STK39: variants seen among roughly 807,000 people sequenced by gnomAD.
STK39 encodes STE20/SPS1-related proline-alanine-rich protein kinase.
STK39 carries 20 observed loss-of-function variants against 77.8 expected under a neutral mutation model. That is an observed-to-expected ratio of 0.26 (90% CI 0.18 to 0.37). The LOEUF (loss-of-function observed/expected upper bound fraction) is 0.37, where lower values mean the gene tolerates loss of function less well. Ranked by LOEUF, STK39 falls within the 10% of genes least tolerant of loss-of-function variation. The probability of loss-of-function intolerance (pLI) is 1.00; values close to 1 mark genes in which losing one functional copy is unlikely to be tolerated. For synonymous variants in STK39, 246 were observed against 234.1 expected (o/e 1.05, Z -0.47); for missense variants, 479 against 656.5 (o/e 0.73, Z 2.95).
chr2:168,215,348 G>A (rs1690000215), intron 1 of STK39, among the ~76,000 whole-genome samples: 1 of 152,164 alleles, frequency 6.6e-6, no homozygotes, highest in African/African-American at 2.4e-5. Flanking sequence ...AGTTCATTGT[G>A]TGGTTCTTTG....
intron 8 of STK39, among the ~76,000 whole-genome samples, chr2:168,131,838 CCAG>C (rs1687704736): frequency 1.3e-5 from 2 of 152,194 alleles, no homozygotes; most frequent in Non-Finnish European, 1.5e-5. Context: ...TTCCTGATCA[CCAG>C]CAGATGTTTT....
At chr2:168,048,752 G>A (rs1230690556) in intron 14 of STK39, among the ~76,000 whole-genome samples, 2 of 152,136 alleles carry the variant, frequency 1.3e-5, no homozygotes, top group African/African-American at 4.8e-5. Flanking sequence ...GCTACCTTCT[G>A]TAATTAGCAA....
At chr2:167,964,324 G>C (rs73026952) in intron 17 of STK39, 3,629 of 217,056 alleles carry the variant, frequency 0.017, 134 homozygotes, top group African/African-American at 0.08. Flanking sequence ...GCTTTATTAA[G>C]AGTGTTGCTT....
At chr2:168,199,174 CA>C (rs2105669476) in intron 1 of STK39, among the ~76,000 whole-genome samples, 1 of 152,318 alleles carries the variant, frequency 6.6e-6, no homozygotes, top group South Asian at 2.1e-4. Context: ...ATTCGGTGGA[CA>C]TGAGTTAAAA....
chr2:168,240,009 A>T (rs1318427742), intron 1 of STK39, among the ~76,000 whole-genome samples: 1 of 152,244 alleles, frequency 6.6e-6, no homozygotes, highest in Non-Finnish European at 1.5e-5. Context: ...TTATATGTAC[A>T]CTTTTCCACA....
intron 14 of STK39, among the ~76,000 whole-genome samples, chr2:168,045,868 G>A (rs1181701107): frequency 3.9e-5 from 6 of 152,122 alleles, no homozygotes; most frequent in African/African-American, 7.2e-5. Context: ...AAGAATGACA[G>A]GGAACCCTCA....
intron 10 of STK39, among the ~76,000 whole-genome samples, chr2:168,108,190 G>A (rs780995616): frequency 4.6e-5 from 7 of 152,176 alleles, no homozygotes; most frequent in Non-Finnish European, 1.0e-4. Flanking sequence ...GAGATGTCTT[G>A]ACTCGACGGT....
chr2:168,033,906 T>C (rs1292232361), intron 14 of STK39, among the ~76,000 whole-genome samples: 1 of 152,222 alleles, frequency 6.6e-6, no homozygotes, highest in African/African-American at 2.4e-5. Context: ...GGCATAACTA[T>C]GAGGAGAAGG....
rs1684300668 is a variant in STK39 at position 168,012,667 on chromosome 2, C to T, written c.1465G>A (p.Ala489Thr). ...ADGVSQELFS[A>T]GLVDGHDVVI... ...ACATCGTGACCATCCACCAAGCCAGCAGAGAAGAGCTCCTGAGATACACCA... is the reference window on the plus strand; with the variant it reads ...ACATCGTGACCATCCACCAAGCCAGTAGAGAAGAGCTCCTGAGATACACCA... Residue 489 changes from alanine to threonine, a missense_variant, in exon 16 of 18, where the codon GCT becomes ACT. Physicochemically the swap from Ala to Thr is moderately conservative, Grantham distance 58 (BLOSUM62 0). Around this residue, in one of 3 missense-constraint regions of STK39, gnomAD observed 244 missense variants for 296.8 expected, o/e 0.82. Transcript: ENST00000355999. 6.2e-7 allele frequency: 1 copy of T among 1,613,534 alleles called. No homozygotes were observed. Among genetic ancestry groups the T allele is most frequent in the Non-Finnish European group, 8.5e-7 (1 of 1,179,772 alleles).
At chr2:168,193,555 A>T (rs1223816706) in intron 1 of STK39, among the ~76,000 whole-genome samples, 1 of 152,244 alleles carries the variant, frequency 6.6e-6, no homozygotes, top group Non-Finnish European at 1.5e-5. Flanking sequence ...AGCATGCTGC[A>T]GTCTCTGCCT....
chr2:167,982,941 G>C (rs1365936731), intron 16 of STK39, among the ~76,000 whole-genome samples: 2 of 152,094 alleles, frequency 1.3e-5, no homozygotes, highest in African/African-American at 4.8e-5. Flanking sequence ...TCTCAAACTA[G>C]TAAAGGCCAA....
At chr2:168,098,770 A>T (rs1686740809) in intron 10 of STK39, among the ~76,000 whole-genome samples, 2 of 152,150 alleles carry the variant, frequency 1.3e-5, no homozygotes, top group Non-Finnish European at 2.9e-5. Context: ...AAAATAATAA[A>T]AAAAAAATCC....
chr2:168,189,861 T>C (rs530494460), intron 1 of STK39, among the ~76,000 whole-genome samples: 1 of 152,198 alleles, frequency 6.6e-6, no homozygotes, highest in African/African-American at 2.4e-5. Flanking sequence ...CTGACGAACA[T>C]GCAACCTGGA....
At chr2:168,036,736 T>C (rs900323199) in intron 14 of STK39, among the ~76,000 whole-genome samples, 2 of 152,114 alleles carry the variant, frequency 1.3e-5, no homozygotes, top group South Asian at 2.1e-4. Context: ...TAAGGAAACG[T>C]AGCAACAGGA....
At chr2:168,206,093 A>C (rs978691141) in intron 1 of STK39, among the ~76,000 whole-genome samples, 1 of 152,184 alleles carries the variant, frequency 6.6e-6, no homozygotes, top group East Asian at 1.9e-4. Flanking sequence ...CCACCAAAGC[A>C]TAGCATATTC....
intron 5 of STK39, among the ~76,000 whole-genome samples, chr2:168,144,778 T>C (rs924212601): frequency 1.3e-5 from 2 of 151,908 alleles, no homozygotes; most frequent in African/African-American, 2.4e-5. Flanking sequence ...AGAGATAAAA[T>C]AGGAGAAGAC....
At chr2:168,062,062 C>T (rs1012072739) in intron 14 of STK39, among the ~76,000 whole-genome samples, 3 of 152,200 alleles carry the variant, frequency 2.0e-5, no homozygotes, top group East Asian at 1.9e-4. Context: ...CTTTAGTATG[C>T]ACAGAAGCTA....
chr2:168,188,129 T>A (rs977028983), intron 1 of STK39, among the ~76,000 whole-genome samples: 8 of 152,316 alleles, frequency 5.3e-5, no homozygotes, highest in South Asian at 4.2e-4. Flanking sequence ...AACAAATGGC[T>A]TTGGTTCAGC....
chr2:167,989,572 T>C (rs911911020), intron 16 of STK39, among the ~76,000 whole-genome samples: 1 of 152,176 alleles, frequency 6.6e-6, no homozygotes, highest in Non-Finnish European at 1.5e-5. Flanking sequence ...CAGACAGCAG[T>C]GGGTGATAGA....
Sources: allele counts gnomAD v4.1 joint callset (sites outside exome capture counted in the v4.1 genomes callset), GRCh38; gene constraint gnomAD v4.1.1; regional missense constraint gnomAD v4.1.1; transcripts MANE v1.5; gene names NCBI Gene and HGNC (gene_info 2026-07-23, HGNC 2026-07-21).